Variants in PELI2 observed in about 807,000 individuals in gnomAD.
PELI2 encodes the protein E3 ubiquitin-protein ligase pellino homolog 2.
A neutral mutation model predicts 42.3 loss-of-function variants in PELI2; 23 were observed. The observed-to-expected ratio is 0.54, with a 90% CI of 0.39 to 0.77. The LOEUF is 0.77. Among genes scored for constraint, PELI2 ranks in the 30% least tolerant of loss-of-function variants. PELI2 has a pLI of 0.00. For missense variants in PELI2, 463 were observed against 553.2 expected, an observed-to-expected ratio of 0.84 and a Z score of 1.64; for synonymous variants, 245 against 212.2, an observed-to-expected ratio of 1.15 and a Z score of -1.34.
chr14:56,210,011 A>G (rs1886657152), intron 2 of PELI2, among the ~76,000 whole-genome samples: 1 of 152,216 alleles, frequency 6.6e-6, no homozygotes, highest in Non-Finnish European at 1.5e-5. Flanking sequence ...ACAAGGCATT[A>G]CTGGGGAAAT....
At chr14:56,138,841 C>T (rs985698055) in intron 1 of PELI2, among the ~76,000 whole-genome samples, 7 of 152,202 alleles carry the variant, frequency 4.6e-5, no homozygotes, top group Non-Finnish European at 7.3e-5. Context: ...ATTATGGAAA[C>T]GCTCAGTTCA....
At chr14:56,160,526 T>C (rs2139638324) in intron 1 of PELI2, among the ~76,000 whole-genome samples, 1 of 152,274 alleles carries the variant, frequency 6.6e-6, no homozygotes, top group Non-Finnish European at 1.5e-5. Context: ...ATTAAGAACT[T>C]TTTAATAGCC....
intron 1 of PELI2, among the ~76,000 whole-genome samples, chr14:56,166,406 C>A (rs976553481): frequency 2.0e-5 from 3 of 152,136 alleles, no homozygotes; most frequent in Admixed American, 6.5e-5. Flanking sequence ...AGTTTACACA[C>A]CATAGTTAGT....
At chr14:56,258,724 T>C (rs1888607676) in intron 2 of PELI2, among the ~76,000 whole-genome samples, 1 of 151,898 alleles carries the variant, frequency 6.6e-6, no homozygotes, top group Admixed American at 6.6e-5. Flanking sequence ...CCATAGTAAA[T>C]TGTGGGTATA....
At chr14:56,147,552 AG>A (rs1884174454) in intron 1 of PELI2, among the ~76,000 whole-genome samples, 1 of 152,208 alleles carries the variant, frequency 6.6e-6, no homozygotes, top group African/African-American at 2.4e-5. Flanking sequence ...TGGCATTTTG[AG>A]GATATAACAT....
chr14:56,293,130 A>T (rs940929728), intron 5 of PELI2, among the ~76,000 whole-genome samples: 21 of 152,148 alleles, frequency 1.4e-4, no homozygotes, highest in African/African-American at 4.6e-4. Context: ...CCGTCTACAG[A>T]TGAGGAAACC....
chr14:56,251,628 A>G (rs1221184140), intron 2 of PELI2, among the ~76,000 whole-genome samples: 1 of 152,118 alleles, frequency 6.6e-6, no homozygotes, highest in Non-Finnish European at 1.5e-5. Flanking sequence ...GTTTGATTCC[A>G]CACCCTGTTT....
chr14:56,292,150 G>A (rs1474040377), intron 5 of PELI2, among the ~76,000 whole-genome samples: 1 of 152,170 alleles, frequency 6.6e-6, no homozygotes, highest in Non-Finnish European at 1.5e-5. Flanking sequence ...CTCCAAAAAT[G>A]GCTTGTATTA....
chr14:56,125,415 C>CG (rs1883216168), intron 1 of PELI2, among the ~76,000 whole-genome samples: 3 of 90,406 alleles, frequency 3.3e-5, no homozygotes, highest in African/African-American at 1.2e-4. Context: ...ATTGGGTGGG[C>CG]AGGGGGGGGG....
At chr14:56,279,163 A>G (rs1249152170) in intron 2 of PELI2, among the ~76,000 whole-genome samples, 1 of 152,216 alleles carries the variant, frequency 6.6e-6, no homozygotes, top group African/African-American at 2.4e-5. Context: ...CAGAATACAA[A>G]TATGGTTATC....
chr14:56,256,075 C>T (rs1888516845), intron 2 of PELI2, among the ~76,000 whole-genome samples: 1 of 152,158 alleles, frequency 6.6e-6, no homozygotes, highest in African/African-American at 2.4e-5. Context: ...GTAATTTCAT[C>T]TTAACTCCTG....
chr14:56,274,966 G>A (rs757767560), intron 2 of PELI2, among the ~76,000 whole-genome samples: 1 of 152,180 alleles, frequency 6.6e-6, no homozygotes, highest in African/African-American at 2.4e-5. Context: ...AGCTGAGAGT[G>A]TCACTACTGG....
In PELI2 at chr14:56,213,488, AAG is replaced by A. The variant is rs569578906; in HGVS notation, c.207+35027_207+35028del. Among the ~76,000 whole-genome samples the A allele has an allele frequency of 2.6e-5, 4 of 152,302 alleles. No homozygotes were observed. The South Asian group carries it at 8.3e-4, about 32-fold the overall frequency. On this transcript the variant is annotated intron_variant, in intron 2 of 5. Transcript: ENST00000267460. ...GCTTAGGGCAGTTCCTGGAGACAGA[AAG>A]AGGGAGAGGGACAAAGGCCAGATTG...
chr14:56,124,630 G>A lies in PELI2; in HGVS notation c.77+5893G>A, dbSNP rs529172670. Among the ~76,000 whole-genome samples the A allele has an allele frequency of 8.0e-4, 122 of 152,186 alleles. 1 individual carries two copies. Among genetic ancestry groups the A allele is most frequent in the Non-Finnish European group, 7.3e-5 (5 of 68,040 alleles). On this transcript the variant is annotated intron_variant, in intron 1 of 5. Transcript: ENST00000267460. ...TGCTGTGGATTGCACTAAGGGATACGCAGATGAACAAGACAGTCATGGTCC... is the reference window on the plus strand; with the variant it reads ...TGCTGTGGATTGCACTAAGGGATACACAGATGAACAAGACAGTCATGGTCC...
At chr14:56,125,513 T>C (rs371180445) in intron 1 of PELI2, among the ~76,000 whole-genome samples, 155 of 152,202 alleles carry the variant, frequency 1.0e-3, no homozygotes, top group African/African-American at 3.6e-3. Flanking sequence ...GAGAAAATAG[T>C]CCTGTGTCCT....
chr14:56,287,835 A>G (rs1594717133), intron 3 of PELI2, among the ~76,000 whole-genome samples: 2 of 152,340 alleles, frequency 1.3e-5, no homozygotes, highest in South Asian at 4.1e-4. Flanking sequence ...AATGTATTAC[A>G]TTGCCTAGTT....
At chr14:56,134,120 C>T (rs904943718) in intron 1 of PELI2, among the ~76,000 whole-genome samples, 1 of 152,064 alleles carries the variant, frequency 6.6e-6, no homozygotes, top group Non-Finnish European at 1.5e-5. Flanking sequence ...AGTAAGTACT[C>T]ATTGACAATT....
chr14:56,200,826 T>A (rs1886309040), intron 2 of PELI2, among the ~76,000 whole-genome samples: 1 of 152,190 alleles, frequency 6.6e-6, no homozygotes, highest in South Asian at 2.1e-4. Flanking sequence ...TGTCTTACAT[T>A]TGCATTTCAA....
At chr14:56,211,010 G>A (rs1010085787) in intron 2 of PELI2, among the ~76,000 whole-genome samples, 2 of 152,132 alleles carry the variant, frequency 1.3e-5, no homozygotes, top group African/African-American at 4.8e-5. Flanking sequence ...GAGCATTTGG[G>A]TGCAGCTCAC....
Sources: gnomAD v4.1 joint callset for allele counts (sites outside exome capture counted in the v4.1 genomes callset) on GRCh38, gnomAD v4.1.1 for gene constraint, MANE v1.5 for transcripts, NCBI Gene and HGNC (gene_info 2026-07-23, HGNC 2026-07-21) for gene names.